MARVELD2: variants seen among roughly 807,000 people sequenced by gnomAD.
The protein encoded by MARVELD2 is MARVEL domain-containing protein 2.
Under a neutral mutation model 57.6 loss-of-function variants are expected in MARVELD2, and 49 were observed. The observed-to-expected ratio is 0.85, with a 90% CI of 0.68 to 1.08. MARVELD2 has a LOEUF of 1.08. Ranked by LOEUF, MARVELD2 falls within the 50% of genes least tolerant of loss-of-function variation. The probability of loss-of-function intolerance (pLI) is 0.00; values close to 1 mark genes in which losing one functional copy is unlikely to be tolerated. For synonymous variants in MARVELD2, 238 were observed against 258.8 expected (o/e 0.92, Z 0.77); for missense variants, 606 against 701.1 (o/e 0.86, Z 1.53).
chr5:69,432,736 C>G, intron 4 of MARVELD2, 61 bp downstream of exon 4: 3 of 1,609,490 alleles, frequency 1.9e-6, no homozygotes, highest in East Asian at 4.5e-5. Context: ...TTGGTCCTTT[C>G]ATTTTCCAGT....
intron 1 of MARVELD2, 45 bp from the exon 2 acceptor site, chr5:69,419,326 G>C (rs976402127): frequency 1.3e-6 from 2 of 1,586,002 alleles, no homozygotes; most frequent in African/African-American, 2.7e-5. Context: ...ATCATTGAGA[G>C]GATAAGTAAC....
At chr5:69,426,582 C>T (rs181170254) in intron 3 of MARVELD2, among the ~76,000 whole-genome samples, 3,263 of 152,198 alleles carry the variant, frequency 0.021, 48 homozygotes, top group Non-Finnish European at 0.032. Flanking sequence ...ATCCACCCGC[C>T]TTAGCCTCCC....
At chr5:69,417,724 A>G (rs1580468090) in intron 1 of MARVELD2, among the ~76,000 whole-genome samples, 1 of 152,128 alleles carries the variant, frequency 6.6e-6, no homozygotes, top group Middle Eastern at 3.4e-3. Flanking sequence ...CGGGTGGATT[A>G]TGAGGTCAGG....
At chr5:69,428,157 C>T (rs555226591) in intron 3 of MARVELD2, among the ~76,000 whole-genome samples, 10 of 151,278 alleles carry the variant, frequency 6.6e-5, no homozygotes, top group South Asian at 4.2e-4. Context: ...AACTGATGAT[C>T]GGGAAGGTTC....
rs1767353432 is a variant in MARVELD2 at position 69,442,392 on chromosome 5, C to T, written c.*738C>T. 6.6e-6 allele frequency: 1 copy of T among 152,176 alleles called. No homozygotes were observed. The allele number at this position is 152,176 out of a possible 1,614,324, so 9.4% of individuals were successfully genotyped here. A position where few individuals can be genotyped will look rare whatever the true frequency, so the allele number is the denominator to read the frequency against. On this transcript the variant is annotated 3_prime_UTR_variant, in exon 7 of 7. Transcript: ENST00000325631. The stretch of plus-strand genomic sequence containing the variant: ...GAAAGGTGTTTGAATCCCAGATCAA[C>T]ATTTTCAGACATCCTGATCTTGGGC...
At chr5:69,421,781 T>C (rs1766634316) in intron 2 of MARVELD2, among the ~76,000 whole-genome samples, 2 of 150,852 alleles carry the variant, frequency 1.3e-5, no homozygotes, top group South Asian at 4.2e-4. Flanking sequence ...GTTTTTTTAA[T>C]TTTCTTTTCT....
chr5:69,442,631 AC>A lies in MARVELD2; in HGVS notation c.*979del, dbSNP rs1449690290. The A allele has an allele frequency of 3.9e-5, 6 of 152,134 alleles. No homozygotes were observed. Among genetic ancestry groups the A allele is most frequent in the Admixed American group, 3.9e-4 (6 of 15,262 alleles). The allele number at this position is 152,134 out of a possible 1,614,324, so 9.4% of individuals were successfully genotyped here. On this transcript the variant is annotated 3_prime_UTR_variant, in exon 7 of 7. Coordinates refer to ENST00000325631, the MANE Select transcript of MARVELD2 (RefSeq NM_001038603.3). ...TTAATGAGCAAGCCCAACCTACTTA[AC>A]CAAAAGCCCAAGTGTCTGGTGCCTT...
At chr5:69,416,203 T>G (rs1003684115) in intron 1 of MARVELD2, among the ~76,000 whole-genome samples, 6 of 152,272 alleles carry the variant, frequency 3.9e-5, no homozygotes, top group African/African-American at 1.2e-4. Flanking sequence ...GTGCTTTTGC[T>G]TCTACATTTC....
chr5:69,438,307 C>T (rs1312113070), intron 5 of MARVELD2, among the ~76,000 whole-genome samples: 2 of 152,224 alleles, frequency 1.3e-5, no homozygotes, highest in African/African-American at 4.8e-5. Flanking sequence ...GCATCTCCAG[C>T]ACAGCAGTGC....
intron 5 of MARVELD2, among the ~76,000 whole-genome samples, chr5:69,437,460 G>C (rs576886630): frequency 3.8e-4 from 58 of 150,714 alleles, no homozygotes; most frequent in South Asian, 2.7e-3. Context: ...CGAGGCAGGC[G>C]GATCATGAGG....
At chr5:69,437,262 T>G (rs1212946004) in intron 5 of MARVELD2, among the ~76,000 whole-genome samples, 1 of 148,118 alleles carries the variant, frequency 6.8e-6, no homozygotes, top group African/African-American at 2.5e-5. Context: ...ATGTGTGTAA[T>G]CCCAGCTACT....
chr5:69,437,381 T>TAA (rs36086491), intron 5 of MARVELD2, among the ~76,000 whole-genome samples: 10 of 100,094 alleles, frequency 1.0e-4, no homozygotes, highest in East Asian at 2.9e-4. Context: ...AACTCTGTCT[T>TAA]AAAAAAAAAA....
chr5:69,420,160 G>GT lies in MARVELD2; in HGVS notation c.777dup (p.Ala260CysfsTer28), dbSNP rs1766573817. ...CCCTAAGACCCCTTTTGTACTCGTG[G>GT]TTGCTGGATTAGCTTGGATCACCAC... On this transcript the variant is annotated frameshift_variant, in exon 2 of 7. Coordinates refer to ENST00000325631, the MANE Select transcript of MARVELD2 (RefSeq NM_001038603.3). LOFTEE classifies it high-confidence loss of function. 6.2e-7 allele frequency: 1 copy of GT among 1,614,170 alleles called. No homozygotes were observed. The highest frequency in any genetic ancestry group is 1.3e-5 in the African/African-American group (1 of 75,052).
At position 69,419,885 on chromosome 5, in the gene MARVELD2, A is replaced by G. The variant is rs139854607; in HGVS notation, c.500A>G (p.Gln167Arg). The G allele has an allele frequency of 5.2e-3, 8,365 of 1,614,162 alleles. 33 individuals are homozygous for G. The highest frequency in any genetic ancestry group is 5.9e-3 in the Non-Finnish European group (6,969 of 1,180,024). Residue 167 changes from glutamine (Q) to arginine (R), a missense_variant, in exon 2 of 7, where the codon CAA becomes CGA. Physicochemically the swap from Gln to Arg is conservative, Grantham distance 43. Coordinates refer to ENST00000325631, the MANE Select transcript of MARVELD2 (RefSeq NM_001038603.3). Reference sequence around the variant, plus strand: ...TATGGATCTCTAGACCGACACACACAAACAGTTCGAACATACAGTGAGAAG... The same window carrying G: ...TATGGATCTCTAGACCGACACACACGAACAGTTCGAACATACAGTGAGAAG... Reference protein sequence around the residue: ...DPYGSLDRHTQTVRTYSEKVE... With the variant: ...DPYGSLDRHTRTVRTYSEKVE...
At position 69,442,250 on chromosome 5, in the gene MARVELD2, G is replaced by C. The variant is rs545533825; in HGVS notation, c.*596G>C. ...ACTTTTTCCTTTTTTACTCAGGCAG[G>C]TTCCTAGGATTTTTCTGGGACAAAT... On this transcript the variant is annotated 3_prime_UTR_variant, in exon 7 of 7. Transcript: ENST00000325631. The C allele has an allele frequency of 1.3e-5, 2 of 152,108 alleles. No individual in the cohort carries two copies. The highest frequency in any genetic ancestry group is 2.9e-5 in the Non-Finnish European group (2 of 68,032). 9.4% of individuals were successfully genotyped at this position (152,108 alleles called of 1,614,324 possible). A position where few individuals can be genotyped will look rare whatever the true frequency, so the allele number is the denominator to read the frequency against.
chr5:69,425,109 T>C (rs1766745004), intron 3 of MARVELD2, among the ~76,000 whole-genome samples: 2 of 150,148 alleles, frequency 1.3e-5, no homozygotes, highest in Admixed American at 1.3e-4. Flanking sequence ...ATGGATGAAA[T>C]TGGAAATCAT....
intron 2 of MARVELD2, among the ~76,000 whole-genome samples, 177 bp downstream of exon 2, chr5:69,420,708 A>G (rs1281045222): frequency 6.6e-6 from 1 of 151,272 alleles, no homozygotes; most frequent in East Asian, 1.9e-4. Context: ...AATATCTGAC[A>G]TGCTTTGACT....
chr5:69,418,517 TTGC>T (rs1766498519), intron 1 of MARVELD2, among the ~76,000 whole-genome samples: 1 of 152,220 alleles, frequency 6.6e-6, no homozygotes, highest in Non-Finnish European at 1.5e-5. Context: ...GTAATGGTCA[TTGC>T]TGCCATTCTC....
At chr5:69,424,032 T>G (rs1404015273) in intron 2 of MARVELD2, among the ~76,000 whole-genome samples, 1 of 152,198 alleles carries the variant, frequency 6.6e-6, no homozygotes, top group Non-Finnish European at 1.5e-5. Flanking sequence ...TTATGCTAGT[T>G]GCATAAGTTA....
Sources: gnomAD v4.1 joint callset for allele counts (sites outside exome capture counted in the v4.1 genomes callset) on GRCh38, gnomAD v4.1.1 for gene constraint, MANE v1.5 for transcripts, NCBI Gene and HGNC (gene_info 2026-07-23, HGNC 2026-07-21) for gene names.